The following PDE4B variants were observed in gnomAD, a reference collection of about 807,000 sequenced individuals.
The protein encoded by PDE4B is phosphodiesterase 4B.
In PDE4B, 20 loss-of-function variants were observed where a neutral mutation model predicts 82.2. The observed-to-expected ratio is 0.24, with a 90% CI of 0.17 to 0.35. The LOEUF is 0.35. Ranked by LOEUF, PDE4B falls within the 10% of genes least tolerant of loss-of-function variation. PDE4B has a pLI of 1.00. For missense variants in PDE4B, 655 were observed against 907.2 expected, an observed-to-expected ratio of 0.72 and a Z score of 3.57; for synonymous variants, 320 against 318.9, an observed-to-expected ratio of 1.00 and a Z score of -0.04.
At chr1:66,309,421 G>T (rs1221321089) in intron 7 of PDE4B, among the ~76,000 whole-genome samples, 1 of 152,106 alleles carries the variant, frequency 6.6e-6, no homozygotes, top group African/African-American at 2.4e-5. Context: ...TAGCTCCCTG[G>T]GCTTCTATGT....
intron 1 of PDE4B, among the ~76,000 whole-genome samples, chr1:65,803,494 TC>T (rs1238236307): frequency 6.6e-6 from 1 of 152,194 alleles, no homozygotes; most frequent in East Asian, 1.9e-4. Context: ...AACAACATAT[TC>T]TTAAGTTCTT....
intron 1 of PDE4B, among the ~76,000 whole-genome samples, chr1:65,903,784 C>T (rs549033261): frequency 6.6e-6 from 1 of 152,164 alleles, no homozygotes; most frequent in African/African-American, 2.4e-5. Flanking sequence ...GCTTATTTTT[C>T]GTATGTCCAC....
intron 3 of PDE4B, among the ~76,000 whole-genome samples, chr1:66,011,579 T>C (rs1366073378): frequency 6.6e-6 from 1 of 152,102 alleles, no homozygotes; most frequent in Non-Finnish European, 1.5e-5. Flanking sequence ...GGAATAATTA[T>C]ATTAGACTCA....
intron 3 of PDE4B, among the ~76,000 whole-genome samples, chr1:66,210,105 A>T (rs944931154): frequency 1.3e-5 from 2 of 152,224 alleles, no homozygotes; most frequent in African/African-American, 4.8e-5. Context: ...TATAACATGG[A>T]ATCCAGCTAA....
intron 3 of PDE4B, among the ~76,000 whole-genome samples, chr1:65,985,314 A>C (rs1244575669): frequency 1.3e-5 from 2 of 152,166 alleles, no homozygotes; most frequent in African/African-American, 4.8e-5. Context: ...GATTTGATTT[A>C]ATATTAATGT....
intron 3 of PDE4B, among the ~76,000 whole-genome samples, chr1:66,049,138 C>A (rs529362005): frequency 6.6e-6 from 1 of 151,960 alleles, no homozygotes; most frequent in East Asian, 1.9e-4. Context: ...GGAGATTAGG[C>A]TCTACTCTAA....
chr1:66,109,170 A>G (rs1645432138), intron 3 of PDE4B, among the ~76,000 whole-genome samples: 1 of 151,952 alleles, frequency 6.6e-6, no homozygotes, highest in South Asian at 2.1e-4. Flanking sequence ...TCTAAAATAG[A>G]CCAACAGATG....
At chr1:65,944,158 T>A (rs1046579333) in intron 3 of PDE4B, among the ~76,000 whole-genome samples, 1 of 152,018 alleles carries the variant, frequency 6.6e-6, no homozygotes, top group African/African-American at 2.4e-5. Context: ...TGGGGTACAT[T>A]ACTTCTATAC....
intron 3 of PDE4B, among the ~76,000 whole-genome samples, chr1:66,165,702 A>T (rs1270535164): frequency 6.6e-6 from 1 of 152,158 alleles, no homozygotes; most frequent in African/African-American, 2.4e-5. Flanking sequence ...CAAGACTTTT[A>T]TGCTGAAAAC....
At chr1:65,964,877 T>C (rs1375088735) in intron 3 of PDE4B, among the ~76,000 whole-genome samples, 1 of 151,928 alleles carries the variant, frequency 6.6e-6, no homozygotes. Context: ...TAGAAAAATA[T>C]AATAATTTAA....
At chr1:66,020,908 T>A (rs1229131384) in intron 3 of PDE4B, among the ~76,000 whole-genome samples, 2 of 152,236 alleles carry the variant, frequency 1.3e-5, no homozygotes, top group Admixed American at 1.3e-4. Flanking sequence ...TCCACAATGG[T>A]TGAACTAGTT....
chr1:66,331,225 A>G (rs1383506392), intron 7 of PDE4B, among the ~76,000 whole-genome samples: 1 of 152,228 alleles, frequency 6.6e-6, no homozygotes, highest in Non-Finnish European at 1.5e-5. Context: ...TCTTTTAAAT[A>G]TGGCAGGAAT....
intron 3 of PDE4B, among the ~76,000 whole-genome samples, chr1:66,219,191 AC>A (rs1650758644): frequency 6.6e-6 from 1 of 152,080 alleles, no homozygotes; most frequent in African/African-American, 2.4e-5. Context: ...TTCTCCTGGA[AC>A]ATGGTGCAGT....
chr1:66,339,776 AG>A (rs1161728116), intron 8 of PDE4B, among the ~76,000 whole-genome samples: 1 of 152,056 alleles, frequency 6.6e-6, no homozygotes, highest in African/African-American at 2.4e-5. Flanking sequence ...ATAAATGTTT[AG>A]TCTCCATTTT....
chr1:65,810,961 T>G (rs1645812738), intron 1 of PDE4B, among the ~76,000 whole-genome samples: 2 of 152,180 alleles, frequency 1.3e-5, no homozygotes, highest in African/African-American at 4.8e-5. Context: ...GGCCAGATGA[T>G]TCCCTGTTTG....
intron 1 of PDE4B, among the ~76,000 whole-genome samples, chr1:65,850,696 T>C (rs969536435): frequency 1.3e-5 from 2 of 152,152 alleles, no homozygotes; most frequent in Admixed American, 1.3e-4. Context: ...TGTGTATATA[T>C]ATATATTCTA....
intron 7 of PDE4B, 197 bp downstream of exon 7, chr1:66,266,284 A>G (rs904921775): frequency 1.7e-6 from 1 of 594,646 alleles, no homozygotes; most frequent in African/African-American, 1.9e-5. Flanking sequence ...GCAGTACTAA[A>G]TAATTTGCCC....
At chr1:65,938,183 T>G (rs1569752723) in intron 3 of PDE4B, among the ~76,000 whole-genome samples, 1 of 152,176 alleles carries the variant, frequency 6.6e-6, no homozygotes, top group East Asian at 1.9e-4. Flanking sequence ...TCTCCTCCAC[T>G]GGTGCCCATG....
At chr1:65,913,921 A>G (rs1043170562) in intron 2 of PDE4B, among the ~76,000 whole-genome samples, 2 of 152,186 alleles carry the variant, frequency 1.3e-5, no homozygotes, top group African/African-American at 4.8e-5. Flanking sequence ...AGCAGAGTAA[A>G]TAGGTATGTA....
Sources: allele counts gnomAD v4.1 joint callset (sites outside exome capture counted in the v4.1 genomes callset), GRCh38; gene constraint gnomAD v4.1.1; transcripts MANE v1.5; gene names NCBI Gene and HGNC (gene_info 2026-07-23, HGNC 2026-07-21).